The following SGCD variants were observed in gnomAD, a reference collection of about 807,000 sequenced individuals.
SGCD encodes the protein sarcoglycan delta.
Under a neutral mutation model 36.6 loss-of-function variants are expected in SGCD, and 18 were observed. That is an observed-to-expected ratio of 0.49 (90% CI 0.34 to 0.73). The LOEUF is 0.73. SGCD is among the 30% of genes least tolerant of loss of function. The pLI, the probability that SGCD is intolerant of heterozygous loss-of-function variation, is 0.01. For missense variants in SGCD, 387 were observed against 346.7 expected (o/e 1.12, Z -0.92); for synonymous variants, 133 against 130.6 (o/e 1.02, Z -0.12).
chr5:156,498,146 C>G (rs938917247), intron 3 of SGCD, among the ~76,000 whole-genome samples: 8 of 151,940 alleles, frequency 5.3e-5, no homozygotes, highest in Non-Finnish European at 7.4e-5. Flanking sequence ...ACCTCTTTCC[C>G]CAAGCACTTA....
chr5:156,361,273 A>G (rs959272509), intron 3 of SGCD, among the ~76,000 whole-genome samples: 2 of 152,222 alleles, frequency 1.3e-5, no homozygotes, highest in African/African-American at 2.4e-5. Context: ...TTGCACCAAA[A>G]GGATGATTCG....
At chr5:156,385,674 A>T (rs997773714) in intron 3 of SGCD, among the ~76,000 whole-genome samples, 1 of 152,218 alleles carries the variant, frequency 6.6e-6, no homozygotes, top group African/African-American at 2.4e-5. Flanking sequence ...TGCAAAGAAG[A>T]AAAGGACTTC....
At chr5:155,895,376 G>A (rs941324505) in intron 1 of SGCD, among the ~76,000 whole-genome samples, 1 of 152,194 alleles carries the variant, frequency 6.6e-6, no homozygotes, top group East Asian at 1.9e-4. Context: ...TCTCAAATGT[G>A]ATTGCTACAT....
chr5:156,468,279 C>A (rs1413690097), intron 3 of SGCD, among the ~76,000 whole-genome samples: 2 of 147,386 alleles, frequency 1.4e-5, no homozygotes, highest in African/African-American at 5.0e-5. Context: ...AGTTTGAGAC[C>A]ACAGTGAGCT....
At chr5:155,863,151 C>A in the SGCD span, among the ~76,000 whole-genome samples, 3 of 152,280 alleles carry the variant, frequency 2.0e-5, no homozygotes, top group South Asian at 6.2e-4. Context: ...TAAATTATAA[C>A]AATCCTGAGC....
intron 3 of SGCD, among the ~76,000 whole-genome samples, chr5:156,233,433 A>C (rs1765072262): frequency 6.6e-6 from 1 of 152,244 alleles, no homozygotes; most frequent in Non-Finnish European, 1.5e-5. Flanking sequence ...TTTGATGAAC[A>C]AGGTGGTATT....
chr5:156,070,952 G>T (rs897596043), intron 1 of SGCD, among the ~76,000 whole-genome samples: 5 of 152,038 alleles, frequency 3.3e-5, no homozygotes, highest in Non-Finnish European at 5.9e-5. Flanking sequence ...ATGGTAATTT[G>T]TATTTCTGTG....
At chr5:156,637,691 G>A (rs556740862) in intron 6 of SGCD, among the ~76,000 whole-genome samples, 1 of 152,114 alleles carries the variant, frequency 6.6e-6, no homozygotes, top group East Asian at 1.9e-4. Context: ...TTCTTGGCCA[G>A]GGGAAAGGGG....
intron 3 of SGCD, among the ~76,000 whole-genome samples, chr5:156,129,815 T>C (rs1466215901): frequency 6.6e-6 from 1 of 152,180 alleles, no homozygotes; most frequent in East Asian, 1.9e-4. Context: ...ACATTAAACA[T>C]GATGTTGTTC....
chr5:155,731,966 A>G, the SGCD span, among the ~76,000 whole-genome samples: 41 of 152,294 alleles, frequency 2.7e-4, 1 homozygote, highest in South Asian at 6.0e-3. Context: ...CTCTTATGCT[A>G]TTCTCTCCAG....
chr5:156,498,262 CA>C (rs34586524), intron 3 of SGCD, among the ~76,000 whole-genome samples: 1,884 of 102,848 alleles, frequency 0.018, 13 homozygotes, highest in Middle Eastern at 0.043. Flanking sequence ...ATTTCTCTTA[CA>C]AAAAAAAAAA....
chr5:156,568,084 G>C (rs1759569526), intron 4 of SGCD, among the ~76,000 whole-genome samples: 1 of 152,134 alleles, frequency 6.6e-6, no homozygotes, highest in Non-Finnish European at 1.5e-5. Context: ...CTTCTAAGAG[G>C]TAGGGATAAG....
intron 3 of SGCD, among the ~76,000 whole-genome samples, chr5:156,447,964 A>G (rs1343055737): frequency 6.6e-6 from 1 of 152,154 alleles, no homozygotes; most frequent in Non-Finnish European, 1.5e-5. Flanking sequence ...GAAAATGAGG[A>G]TCAGTGAGAT....
At chr5:156,532,229 G>T (rs1757917905) in intron 4 of SGCD, among the ~76,000 whole-genome samples, 1 of 152,204 alleles carries the variant, frequency 6.6e-6, no homozygotes. Context: ...CTAAGTGTCT[G>T]CAGGGTTTTG....
intron 6 of SGCD, among the ~76,000 whole-genome samples, chr5:156,598,496 C>T (rs280471): frequency 0.11 from 16,384 of 152,182 alleles, 1,147 homozygotes; most frequent in Admixed American, 0.17. Context: ...GAGCCAAGAT[C>T]GTGCCACTGT....
intron 1 of SGCD, among the ~76,000 whole-genome samples, chr5:155,918,175 G>A (rs573234393): frequency 1.3e-5 from 2 of 152,326 alleles, no homozygotes; most frequent in Admixed American, 6.5e-5. Context: ...TGATAGGAAT[G>A]TCTCTCTCAT....
chr5:156,235,800 T>C (rs777600129), intron 3 of SGCD, among the ~76,000 whole-genome samples: 1 of 152,256 alleles, frequency 6.6e-6, no homozygotes, highest in Non-Finnish European at 1.5e-5. Flanking sequence ...GTGCAAGGTA[T>C]TTTATTTCCC....
intron 2 of SGCD, among the ~76,000 whole-genome samples, chr5:156,332,572 G>A (rs1045255255): frequency 3.3e-5 from 5 of 152,168 alleles, no homozygotes; most frequent in Admixed American, 3.3e-4. Context: ...CAAGGGTGGT[G>A]CATATTCTAG....
chr5:156,300,418 G>T (rs979294479), intron 3 of SGCD, among the ~76,000 whole-genome samples: 61 of 151,818 alleles, frequency 4.0e-4, no homozygotes, highest in African/African-American at 1.5e-3. Context: ...ACCTGTGTTT[G>T]CATAGTTTCC....
Sources: allele counts gnomAD v4.1 joint callset (sites outside exome capture counted in the v4.1 genomes callset), GRCh38; gene constraint gnomAD v4.1.1; transcripts MANE v1.5; gene names NCBI Gene and HGNC (gene_info 2026-07-23, HGNC 2026-07-21).